The following WDPCP variants were observed in gnomAD, a reference collection of about 807,000 sequenced individuals.
WDPCP encodes the protein WD repeat containing planar cell polarity effector, also known as WD repeat-containing and planar cell polarity effector protein fritz homolog.
WDPCP carries 71 observed loss-of-function variants against 93.1 expected under a neutral mutation model. That is an observed-to-expected ratio of 0.76 (90% CI 0.63 to 0.93). WDPCP has a LOEUF of 0.93. WDPCP is among the 40% of genes least tolerant of loss of function. WDPCP has a pLI of 0.00. For synonymous variants in WDPCP, 315 were observed against 315.0 expected (o/e 1.00, Z 0.00); for missense variants, 844 against 887.4 (o/e 0.95, Z 0.62).
chr2:63,486,667 G>T, intron 3 of WDPCP, 81 bp from the exon 4 acceptor site: 1 of 1,196,000 alleles, frequency 8.4e-7, no homozygotes, highest in Non-Finnish European at 1.2e-6. Context: ...ATTTTAATAT[G>T]TACATGTATA....
At chr2:63,358,790 C>A (rs1690216020) in intron 12 of WDPCP, among the ~76,000 whole-genome samples, 1 of 152,136 alleles carries the variant, frequency 6.6e-6, no homozygotes, top group Admixed American at 6.6e-5. Flanking sequence ...TAACGGTCAG[C>A]ATAGATGCAA....
chr2:63,344,388 C>T (rs552247815), intron 12 of WDPCP, among the ~76,000 whole-genome samples: 5 of 152,264 alleles, frequency 3.3e-5, no homozygotes, highest in South Asian at 2.1e-4. Context: ...CACTGTTTAG[C>T]CAGGCTGCCT....
chr2:63,645,121 T>G (rs916472516), intron 3 of WDPCP, among the ~76,000 whole-genome samples: 4 of 152,186 alleles, frequency 2.6e-5, no homozygotes, highest in African/African-American at 9.6e-5. Flanking sequence ...CTTTTTTTCT[T>G]TTTGATGTAA....
intron 2 of WDPCP, among the ~76,000 whole-genome samples, chr2:63,792,278 G>GT (rs1186476525): frequency 4.6e-5 from 7 of 152,182 alleles, no homozygotes. Context: ...AAGCAGTCAT[G>GT]TTTTACATGG....
intron 15 of WDPCP, among the ~76,000 whole-genome samples, chr2:63,158,968 C>A (rs1465149512): frequency 3.2e-5 from 3 of 93,026 alleles, no homozygotes; most frequent in African/African-American, 1.3e-4. Context: ...AAAACCTCAT[C>A]TCTACAAAAA....
At chr2:63,829,600 T>G (rs2104165150), upstream of WDPCP, among the ~76,000 whole-genome samples, 1 of 152,256 alleles carries the variant, frequency 6.6e-6, no homozygotes, top group South Asian at 2.1e-4. Context: ...TAAAGAATAC[T>G]TAAACCTATT....
intron 3 of WDPCP, among the ~76,000 whole-genome samples, chr2:63,611,574 C>T (rs979607894): frequency 1.3e-5 from 2 of 152,034 alleles, no homozygotes; most frequent in Non-Finnish European, 2.9e-5. Context: ...CAAAAAGCAA[C>T]AAAAATAAGT....
chr2:63,240,918 C>T (rs1679811481), intron 14 of WDPCP, among the ~76,000 whole-genome samples: 2 of 152,040 alleles, frequency 1.3e-5, no homozygotes, highest in Admixed American at 1.3e-4. Context: ...GAGTTGACAA[C>T]TTGTTTTGGA....
chr2:63,804,029 TA>T (rs909178983), intron 2 of WDPCP, among the ~76,000 whole-genome samples: 2 of 152,164 alleles, frequency 1.3e-5, no homozygotes, highest in African/African-American at 4.8e-5. Context: ...TAGTTGCCTC[TA>T]GGGGGGAATT....
At chr2:63,393,020 A>G (rs1449683938) in intron 10 of WDPCP, among the ~76,000 whole-genome samples, 1 of 152,164 alleles carries the variant, frequency 6.6e-6, no homozygotes, top group Non-Finnish European at 1.5e-5. Flanking sequence ...CCATTTGACC[A>G]AGCAATCCCA....
chr2:63,604,660 T>C, intron 3 of WDPCP: 10 of 1,537,408 alleles, frequency 6.5e-6, no homozygotes, highest in Non-Finnish European at 8.9e-6. Context: ...TAAAAACCAT[T>C]TGTCTCAGTA....
chr2:63,276,185 A>ACAC (rs912998340), intron 13 of WDPCP, among the ~76,000 whole-genome samples: 2 of 152,214 alleles, frequency 1.3e-5, no homozygotes, highest in Admixed American at 1.3e-4. Flanking sequence ...AAGGTGGAGA[A>ACAC]CACCACATCA....
intron 1 of WDPCP, among the ~76,000 whole-genome samples, chr2:63,513,964 G>C (rs1159140355): frequency 2.0e-5 from 3 of 151,670 alleles, no homozygotes; most frequent in Non-Finnish European, 4.4e-5. Context: ...AAGGAGTGTT[G>C]GCTATAACTC....
chr2:63,427,914 A>T (rs1696442760), intron 9 of WDPCP, among the ~76,000 whole-genome samples: 1 of 152,154 alleles, frequency 6.6e-6, no homozygotes, highest in South Asian at 2.1e-4. Context: ...ATCCCAGAGG[A>T]ATGCAAAAGA....
chr2:63,124,808 T>G (rs1669780365), intron 17 of WDPCP, among the ~76,000 whole-genome samples: 1 of 152,218 alleles, frequency 6.6e-6, no homozygotes, highest in African/African-American at 2.4e-5. Context: ...TTAAGTGTTT[T>G]GTCCAAAGTC....
At chr2:63,123,640 A>G (rs1291096018) in intron 17 of WDPCP, among the ~76,000 whole-genome samples, 3 of 152,082 alleles carry the variant, frequency 2.0e-5, no homozygotes, top group Non-Finnish European at 4.4e-5. Flanking sequence ...TACTCTACGT[A>G]CCTTAGACGG....
chr2:63,808,769 T>C (rs991855023), intron 2 of WDPCP, among the ~76,000 whole-genome samples: 19 of 151,860 alleles, frequency 1.3e-4, no homozygotes, highest in Admixed American at 2.6e-4. Context: ...GCCACCCCGT[T>C]TGGGAAGTGA....
chr2:63,528,664 G>C (rs1055112955), intron 1 of WDPCP, among the ~76,000 whole-genome samples: 3 of 152,180 alleles, frequency 2.0e-5, no homozygotes, highest in Non-Finnish European at 2.9e-5. Context: ...CTCCAGCTTT[G>C]TTCTTTTGGC....
the WDPCP span, among the ~76,000 whole-genome samples, chr2:63,840,769 C>G: frequency 6.6e-6 from 1 of 152,254 alleles, no homozygotes; most frequent in South Asian, 2.1e-4. Context: ...CGAGGCTTCC[C>G]TGGCCGCAAC....
Sources: gnomAD v4.1 joint callset for allele counts (sites outside exome capture counted in the v4.1 genomes callset) on GRCh38, gnomAD v4.1.1 for gene constraint, MANE v1.5 for transcripts, NCBI Gene and HGNC (gene_info 2026-07-23, HGNC 2026-07-21) for gene names.